STARD13: variants seen among roughly 807,000 people sequenced by gnomAD.
STARD13 encodes the protein stAR-related lipid transfer protein 13.
A neutral mutation model predicts 106.4 loss-of-function variants in STARD13; 62 were observed. The ratio of observed to expected loss-of-function variants is 0.58; its 90% CI spans 0.48 to 0.72. STARD13 has a LOEUF of 0.72. STARD13 is among the 30% of genes least tolerant of loss of function. STARD13 has a pLI of 0.00. For synonymous variants in STARD13, 565 were observed against 553.0 expected, an observed-to-expected ratio of 1.02 and a Z score of -0.31; for missense variants, 1,387 against 1,424.0, an observed-to-expected ratio of 0.97 and a Z score of 0.42.
chr13:33,385,833 AG>A, the STARD13 span, among the ~76,000 whole-genome samples: 1 of 149,138 alleles, frequency 6.7e-6, no homozygotes, highest in Admixed American at 6.7e-5. Context: ...CCTGGGCAGC[AG>A]AGCAAGACTC....
chr13:33,458,539 C>G, the STARD13 span, among the ~76,000 whole-genome samples: 24 of 152,016 alleles, frequency 1.6e-4, no homozygotes, highest in Non-Finnish European at 7.4e-5. Context: ...TCACTAGGTG[C>G]TTCTTCTTAT....
At chr13:33,430,089 T>C in the STARD13 span, among the ~76,000 whole-genome samples, 1 of 152,148 alleles carries the variant, frequency 6.6e-6, no homozygotes, top group Non-Finnish European at 1.5e-5. Context: ...GGCTAATTTT[T>C]TGTAATTTTA....
chr13:33,443,876 G>A, the STARD13 span, among the ~76,000 whole-genome samples: 476 of 131,040 alleles, frequency 3.6e-3, 2 homozygotes, highest in African/African-American at 0.014. Flanking sequence ...GCAACAGAGC[G>A]AGACTCAGTC....
At chr13:33,119,160 T>G (rs918462148) in intron 7 of STARD13, among the ~76,000 whole-genome samples, 2 of 152,188 alleles carry the variant, frequency 1.3e-5, no homozygotes, top group African/African-American at 4.8e-5. Context: ...CTAGAGGAAC[T>G]TTCTGTGCTG....
At chr13:33,606,868 C>T in the STARD13 span, among the ~76,000 whole-genome samples, 9 of 152,224 alleles carry the variant, frequency 5.9e-5, no homozygotes, top group African/African-American at 1.9e-4. Flanking sequence ...AGGCCCTCTG[C>T]ACTCCCTGGT....
At chr13:33,289,706 G>A (rs2138428705), upstream of STARD13, among the ~76,000 whole-genome samples, 1 of 152,198 alleles carries the variant, frequency 6.6e-6, no homozygotes, top group East Asian at 1.9e-4. Flanking sequence ...TGGAAATATG[G>A]GTATGGGGCG....
the STARD13 span, among the ~76,000 whole-genome samples, chr13:33,419,338 G>A: frequency 5.9e-5 from 9 of 152,226 alleles, no homozygotes; most frequent in East Asian, 1.2e-3. Context: ...TTCAATAGCC[G>A]ATTCAATCAA....
chr13:33,299,025 T>C (rs1336458948), intron 1 of STARD13, among the ~76,000 whole-genome samples: 1 of 152,242 alleles, frequency 6.6e-6, no homozygotes, highest in Non-Finnish European at 1.5e-5. Context: ...AAGATTATAA[T>C]AGCATACGTT....
the STARD13 span, among the ~76,000 whole-genome samples, chr13:33,427,793 T>C: frequency 6.6e-6 from 1 of 151,886 alleles, no homozygotes; most frequent in Admixed American, 6.6e-5. Context: ...CCATCTCTAC[T>C]AAAAATACAA....
At chr13:33,329,951 C>G (rs55741231) in intron 1 of STARD13, among the ~76,000 whole-genome samples, 4,808 of 152,146 alleles carry the variant, frequency 0.032, 218 homozygotes, top group African/African-American at 0.1. Flanking sequence ...TGATCCGCCC[C>G]CATCAGCCTC....
intron 4 of STARD13, among the ~76,000 whole-genome samples, chr13:33,135,181 G>T (rs1308971456): frequency 6.6e-6 from 1 of 152,226 alleles, no homozygotes; most frequent in Non-Finnish European, 1.5e-5. Context: ...GCTTGATTTA[G>T]AAATGAGGAA....
At chr13:33,239,596 G>A (rs1305092620) in intron 1 of STARD13, among the ~76,000 whole-genome samples, 1 of 151,388 alleles carries the variant, frequency 6.6e-6, no homozygotes, top group African/African-American at 2.4e-5. Flanking sequence ...TGAATATGAG[G>A]TGATATCTCA....
chr13:33,361,212 T>C, the STARD13 span, among the ~76,000 whole-genome samples: 2 of 151,860 alleles, frequency 1.3e-5, no homozygotes, highest in African/African-American at 4.8e-5. Flanking sequence ...TCTTTTATTC[T>C]TCCTTCTCAT....
intron 1 of STARD13, among the ~76,000 whole-genome samples, chr13:33,338,698 C>T (rs976748829): frequency 2.6e-5 from 4 of 151,900 alleles, no homozygotes; most frequent in Non-Finnish European, 5.9e-5. Flanking sequence ...TCCTGGCTAA[C>T]ATGGTGAAAC....
At chr13:33,201,084 T>TA (rs1195479573) in intron 1 of STARD13, among the ~76,000 whole-genome samples, 3 of 149,690 alleles carry the variant, frequency 2.0e-5, no homozygotes, top group South Asian at 2.2e-4. Context: ...AATAAAAAAA[T>TA]AAAAAATAAA....
the STARD13 span, among the ~76,000 whole-genome samples, chr13:33,573,371 A>G: frequency 1.3e-5 from 2 of 152,308 alleles, no homozygotes; most frequent in East Asian, 3.9e-4. Context: ...AAAGATCTTA[A>G]AAGTATGAGG....
intron 4 of STARD13, among the ~76,000 whole-genome samples, chr13:33,137,795 T>C (rs1272570862): frequency 6.6e-6 from 1 of 152,230 alleles, no homozygotes; most frequent in Non-Finnish European, 1.5e-5. Context: ...TGTAATTATT[T>C]GCAATTCAAG....
At chr13:33,119,655 T>C (rs1165208978) in intron 7 of STARD13, among the ~76,000 whole-genome samples, 2 of 152,226 alleles carry the variant, frequency 1.3e-5, no homozygotes, top group African/African-American at 4.8e-5. Context: ...CTGCTACTTT[T>C]TGTGGCCATA....
chr13:33,195,624 C>T (rs562411413), intron 1 of STARD13, among the ~76,000 whole-genome samples: 8 of 152,284 alleles, frequency 5.3e-5, no homozygotes, highest in Non-Finnish European at 7.3e-5. Context: ...GTAGCACCCA[C>T]GACAGTATTA....
Sources: gnomAD v4.1 joint callset for allele counts (sites outside exome capture counted in the v4.1 genomes callset) on GRCh38, gnomAD v4.1.1 for gene constraint, MANE v1.5 for transcripts, NCBI Gene and HGNC (gene_info 2026-07-23, HGNC 2026-07-21) for gene names.